The following RBL1 variants were observed in gnomAD, a reference collection of about 807,000 sequenced individuals.
The protein encoded by RBL1 is retinoblastoma-like protein 1.
Under a neutral mutation model 123.0 loss-of-function variants are expected in RBL1, and 82 were observed. The observed-to-expected ratio is 0.67, with a 90% CI of 0.56 to 0.80. The LOEUF (loss-of-function observed/expected upper bound fraction) is 0.80. Ranked by LOEUF, RBL1 falls within the 30% of genes least tolerant of loss-of-function variation. RBL1 has a pLI of 0.00. For synonymous variants in RBL1, 405 were observed against 441.3 expected, an observed-to-expected ratio of 0.92 and a Z score of 1.03; for missense variants, 1,171 against 1,299.6, an observed-to-expected ratio of 0.90 and a Z score of 1.52.
intron 2 of RBL1, among the ~76,000 whole-genome samples, chr20:37,080,432 C>G (rs2065430256): frequency 6.8e-6 from 1 of 147,810 alleles, no homozygotes; most frequent in African/African-American, 2.5e-5. Context: ...GCTGCCTGTG[C>G]CTGGTCCCGC....
intron 3 of RBL1, 87 bp from the exon 4 acceptor site, chr20:37,067,384 T>C: frequency 1.0e-6 from 1 of 993,962 alleles, no homozygotes; most frequent in Non-Finnish European, 1.5e-6. Context: ...ATCAAATAGA[T>C]CAAATTACAC....
At chr20:37,081,887 C>A (rs1243656146) in intron 2 of RBL1, 1 of 410,118 alleles carries the variant, frequency 2.4e-6, no homozygotes, top group Non-Finnish European at 4.9e-6. Context: ...AGGAGACTCA[C>A]CAGAGACCCC....
chr20:37,067,373 T>C, intron 3 of RBL1, 76 bp from the exon 4 acceptor site: 2 of 1,085,894 alleles, frequency 1.8e-6, no homozygotes, highest in Non-Finnish European at 2.7e-6. Flanking sequence ...TAAATGTAAA[T>C]ATCAAATAGA....
intron 19 of RBL1, among the ~76,000 whole-genome samples, chr20:37,015,587 C>T (rs1233922069): frequency 4.6e-5 from 7 of 152,078 alleles, no homozygotes; most frequent in Non-Finnish European, 7.4e-5. Flanking sequence ...CCCGCCACCA[C>T]GCCCGGAGAA....
chr20:37,015,920 C>T (rs2064243374), intron 19 of RBL1, among the ~76,000 whole-genome samples: 1 of 151,056 alleles, frequency 6.6e-6, no homozygotes, highest in African/African-American at 2.4e-5. Context: ...AGACGGGTTT[C>T]ACCATCTTGG....
intron 19 of RBL1, among the ~76,000 whole-genome samples, chr20:37,012,875 G>A (rs1193839192): frequency 6.7e-6 from 1 of 149,680 alleles, no homozygotes; most frequent in East Asian, 2.0e-4. Flanking sequence ...GAAGTGAGGA[G>A]CCCCTCTGCC....
intron 19 of RBL1, among the ~76,000 whole-genome samples, chr20:37,011,464 T>C (rs2146209330): frequency 6.8e-6 from 1 of 148,112 alleles, no homozygotes; most frequent in African/African-American, 2.5e-5. Context: ...AGAAAGAGTC[T>C]TGCTCTGTTG....
chr20:37,086,143 T>A (rs2065542054), intron 2 of RBL1, among the ~76,000 whole-genome samples: 1 of 152,034 alleles, frequency 6.6e-6, no homozygotes, highest in African/African-American at 2.4e-5. Flanking sequence ...TTTTTGAAAT[T>A]ATATGAACAA....
chr20:37,010,760 A>T (rs6030723), intron 19 of RBL1, among the ~76,000 whole-genome samples: 1 of 143,000 alleles, frequency 7.0e-6, no homozygotes, highest in Non-Finnish European at 1.5e-5. Flanking sequence ...GCACATGACT[A>T]TGTGTGTGTG....
At chr20:37,000,065 G>T (rs1198677536) in intron 21 of RBL1, among the ~76,000 whole-genome samples, 1 of 151,222 alleles carries the variant, frequency 6.6e-6, no homozygotes, top group African/African-American at 2.4e-5. Context: ...CTGCCAGGCC[G>T]CCCATCTTCT....
At chr20:37,017,881 C>T (rs1424888096) in intron 19 of RBL1, among the ~76,000 whole-genome samples, 2 of 152,048 alleles carry the variant, frequency 1.3e-5, no homozygotes, top group Admixed American at 6.6e-5. Context: ...GTGATCCACC[C>T]GCCTTGGCCT....
intron 14 of RBL1, among the ~76,000 whole-genome samples, chr20:37,038,143 C>T (rs1203768134): frequency 6.6e-6 from 1 of 151,774 alleles, no homozygotes; most frequent in Non-Finnish European, 1.5e-5. Flanking sequence ...AGGTGTACAC[C>T]ACCATGCCTG....
intron 9 of RBL1, among the ~76,000 whole-genome samples, chr20:37,060,728 A>C (rs2065080141): frequency 6.6e-6 from 1 of 151,774 alleles, no homozygotes; most frequent in Admixed American, 6.6e-5. Flanking sequence ...GGCTGCAGTG[A>C]GCTGTGATTG....
At chr20:37,094,167 A>G (rs1182972300) in intron 1 of RBL1, among the ~76,000 whole-genome samples, 1 of 152,158 alleles carries the variant, frequency 6.6e-6, no homozygotes, top group Admixed American at 6.5e-5. Context: ...GCATGCCTTG[A>G]CCATAGTTTG....
intron 9 of RBL1, among the ~76,000 whole-genome samples, chr20:37,056,502 G>A (rs970352265): frequency 7.9e-5 from 12 of 151,728 alleles, no homozygotes; most frequent in Non-Finnish European, 1.3e-4. Context: ...TTATAGGCGC[G>A]CACTACCACA....
chr20:37,049,572 C>G (rs561841663), intron 11 of RBL1: 5 of 755,384 alleles, frequency 6.6e-6, no homozygotes, highest in Non-Finnish European at 1.2e-5. Context: ...TAGATGAGAA[C>G]GGCAAAATTA....
chr20:37,078,940 G>C (rs553281157), intron 2 of RBL1, among the ~76,000 whole-genome samples: 1 of 152,174 alleles, frequency 6.6e-6, no homozygotes, highest in East Asian at 1.9e-4. Context: ...TAACTGTCAT[G>C]GGTTCCTAGC....
At chr20:37,037,698 C>T (rs1057463441) in intron 14 of RBL1, among the ~76,000 whole-genome samples, 1 of 149,086 alleles carries the variant, frequency 6.7e-6, no homozygotes, top group Non-Finnish European at 1.5e-5. Context: ...TTTTTGGAGA[C>T]GGAGTCTCAC....
intron 6 of RBL1, among the ~76,000 whole-genome samples, chr20:37,066,417 G>A (rs1158071957): frequency 6.6e-6 from 1 of 152,162 alleles, no homozygotes; most frequent in Non-Finnish European, 1.5e-5. Flanking sequence ...CTGACCTCCT[G>A]TTTTTCCTAA....
Sources: allele counts gnomAD v4.1 joint callset (sites outside exome capture counted in the v4.1 genomes callset), GRCh38; gene constraint gnomAD v4.1.1; transcripts MANE v1.5; gene names NCBI Gene and HGNC (gene_info 2026-07-23, HGNC 2026-07-21).